Variants in NPAS2 observed in about 807,000 individuals in gnomAD.
NPAS2 encodes the protein neuronal PAS domain protein 2, also known as neuronal PAS domain-containing protein 2.
In NPAS2, 23 loss-of-function variants were observed where a neutral mutation model predicts 107.5. That is an observed-to-expected ratio of 0.21 (90% CI 0.15 to 0.30). The LOEUF is 0.30. Among genes scored for constraint, NPAS2 ranks in the 10% least tolerant of loss-of-function variants. The pLI is 1.00. For missense variants in NPAS2, 756 were observed against 1,043.3 expected, an observed-to-expected ratio of 0.72 and a Z score of 3.79; for synonymous variants, 403 against 417.5, an observed-to-expected ratio of 0.97 and a Z score of 0.42.
Position 100,892,951 on chromosome 2 carries a change from C to T in NPAS2, c.-22-11782C>T, listed in dbSNP as rs559186702. Among the ~76,000 whole-genome samples, 3 of 152,130 alleles carry T rather than the reference C, an allele frequency of 2.0e-5. No homozygotes were observed. The East Asian group carries it at 5.8e-4, about 29-fold the overall frequency. On this transcript the variant is annotated intron_variant, in intron 1 of 20. Coordinates refer to ENST00000335681, the MANE Select transcript of NPAS2 (RefSeq NM_002518.4). The stretch of plus-strand genomic sequence containing the variant: ...CCAGCTGGTCTAGAACTCCTGACCT[C>T]AAGTGATCCTCCCACCTCAGCCTCC...
At chr2:100,921,468 C>A (rs1683221736) in intron 2 of NPAS2, among the ~76,000 whole-genome samples, 1 of 148,252 alleles carries the variant, frequency 6.7e-6, no homozygotes, top group African/African-American at 2.6e-5. Context: ...GTTTTTGAGC[C>A]CCACATTCAA....
intron 20 of NPAS2, 173 bp downstream of exon 20, chr2:100,993,700 G>A (rs755742810): frequency 5.4e-5 from 30 of 555,520 alleles, no homozygotes; most frequent in African/African-American, 1.9e-4. Flanking sequence ...TAAAGTTTAT[G>A]AAGTCTATGT....
At chr2:100,890,630 T>C (rs1680991559) in intron 1 of NPAS2, among the ~76,000 whole-genome samples, 1 of 152,074 alleles carries the variant, frequency 6.6e-6, no homozygotes, top group African/African-American at 2.4e-5. Flanking sequence ...CCATTCCTTC[T>C]GCTTGCATGC....
intron 1 of NPAS2, among the ~76,000 whole-genome samples, chr2:100,875,961 G>C (rs1240520207): frequency 6.6e-6 from 1 of 152,198 alleles, no homozygotes; most frequent in East Asian, 1.9e-4. Context: ...GAAGTGCTCA[G>C]AGTTCTGAAG....
chr2:100,864,391 T>G (rs1165763757), intron 1 of NPAS2, among the ~76,000 whole-genome samples: 1 of 152,228 alleles, frequency 6.6e-6, no homozygotes, highest in Admixed American at 6.5e-5. Flanking sequence ...CTGTGTGATA[T>G]AATAATATTC....
At chr2:100,876,596 C>T (rs574653876) in intron 1 of NPAS2, among the ~76,000 whole-genome samples, 4 of 152,268 alleles carry the variant, frequency 2.6e-5, no homozygotes, top group East Asian at 1.9e-4. Flanking sequence ...AGTGATTCCC[C>T]GTCAGTGGTG....
intron 7 of NPAS2, among the ~76,000 whole-genome samples, chr2:100,960,428 T>G (rs1169664641): frequency 6.6e-6 from 1 of 151,756 alleles, no homozygotes; most frequent in African/African-American, 2.4e-5. Flanking sequence ...CCTGGCATTG[T>G]GGCACATGCC....
intron 1 of NPAS2, among the ~76,000 whole-genome samples, chr2:100,873,184 G>A (rs1269708734): frequency 7.5e-5 from 11 of 146,526 alleles, no homozygotes; most frequent in Non-Finnish European, 1.0e-4. Flanking sequence ...CCCAGGAGGC[G>A]GAGGTTGCAG....
intron 7 of NPAS2, among the ~76,000 whole-genome samples, chr2:100,957,918 A>G (rs1675675528): frequency 6.6e-6 from 1 of 151,990 alleles, no homozygotes; most frequent in South Asian, 2.1e-4. Flanking sequence ...ACAGAGCGAA[A>G]CTCAGTCTCA....
chr2:100,938,947 G>A (rs1019100552), intron 5 of NPAS2, among the ~76,000 whole-genome samples: 1 of 152,212 alleles, frequency 6.6e-6, no homozygotes, highest in East Asian at 1.9e-4. Context: ...GATGAAAAGA[G>A]GAAGGCTTGC....
intron 1 of NPAS2, among the ~76,000 whole-genome samples, chr2:100,865,684 C>G (rs1679207779): frequency 6.6e-6 from 1 of 152,154 alleles, no homozygotes; most frequent in Non-Finnish European, 1.5e-5. Flanking sequence ...TTCCAAGTGC[C>G]TGGTGTTACT....
chr2:100,943,522 G>C (rs1674708037), intron 5 of NPAS2, among the ~76,000 whole-genome samples: 1 of 152,184 alleles, frequency 6.6e-6, no homozygotes, highest in African/African-American at 2.4e-5. Context: ...GCTGACACTG[G>C]ATGAGGCCAA....
chr2:100,857,894 C>G (rs1678685099), intron 1 of NPAS2, among the ~76,000 whole-genome samples: 2 of 152,240 alleles, frequency 1.3e-5, no homozygotes, highest in Admixed American at 6.5e-5. Context: ...AAGCTGCCTC[C>G]TGGCATTGAA....
At chr2:100,939,308 C>T (rs1674434127) in intron 5 of NPAS2, among the ~76,000 whole-genome samples, 1 of 152,210 alleles carries the variant, frequency 6.6e-6, no homozygotes, top group African/African-American at 2.4e-5. Context: ...CTAACCTAAT[C>T]TGTCTCCCCT....
intron 16 of NPAS2, 118 bp downstream of exon 16, chr2:100,982,495 ATTTGCTT>A: frequency 8.3e-7 from 1 of 1,209,706 alleles, no homozygotes; most frequent in Non-Finnish European, 1.1e-6. Flanking sequence ...GCCAAGCCCC[ATTTGCTT>A]ATGAAAGCAT....
chr2:100,922,805 G>A (rs932376861), intron 2 of NPAS2, among the ~76,000 whole-genome samples: 5 of 152,198 alleles, frequency 3.3e-5, no homozygotes, highest in African/African-American at 9.6e-5. Flanking sequence ...AGCCGGAGGC[G>A]GATGGAAACA....
chr2:100,896,070 G>A (rs543430805), intron 1 of NPAS2, among the ~76,000 whole-genome samples: 1 of 152,332 alleles, frequency 6.6e-6, no homozygotes, highest in African/African-American at 2.4e-5. Context: ...TGGGGCAGGT[G>A]TGCAATGAAT....
Position 100,826,856 on chromosome 2 carries a change from T to C in NPAS2, c.-23+6442T>C, listed in dbSNP as rs531592124. ...CATATCTTAACTAACACAAGATATT[T>C]TCCAGCTTTTAAATCTTTTTTGTGC... On this transcript the variant is annotated intron_variant, in intron 1 of 20. Transcript: ENST00000335681. Among the ~76,000 whole-genome samples, 3 of 152,334 alleles carry C rather than the reference T, an allele frequency of 2.0e-5. No homozygotes were observed. In the South Asian group the frequency reaches 6.2e-4, roughly 32 times the overall value.
intron 7 of NPAS2, chr2:100,962,699 C>G (rs916667070): frequency 2.6e-5 from 4 of 152,222 alleles, no homozygotes; most frequent in Admixed American, 6.5e-5. Flanking sequence ...TAACAGGGTT[C>G]TTTATCCCAC....
Sources: allele counts gnomAD v4.1 joint callset (sites outside exome capture counted in the v4.1 genomes callset), GRCh38; gene constraint gnomAD v4.1.1; transcripts MANE v1.5; gene names NCBI Gene and HGNC (gene_info 2026-07-23, HGNC 2026-07-21).